The following XYLB variants were observed in gnomAD, a reference collection of about 807,000 sequenced individuals.
The protein encoded by XYLB is xylulokinase, also known as xylulose kinase.
A neutral mutation model predicts 78.7 loss-of-function variants in XYLB; 62 were observed. The observed-to-expected ratio is 0.79, with a 90% CI of 0.64 to 0.97. XYLB has a LOEUF of 0.97. XYLB is among the 50% of genes least tolerant of loss of function. XYLB has a pLI of 0.00. For missense variants in XYLB, 687 were observed against 676.8 expected (o/e 1.02, Z -0.17); for synonymous variants, 245 against 247.4 (o/e 0.99, Z 0.09).
At chr3:38,358,833 A>T (rs887963444) in intron 2 of XYLB, among the ~76,000 whole-genome samples, 1 of 152,234 alleles carries the variant, frequency 6.6e-6, no homozygotes, top group Non-Finnish European at 1.5e-5. Flanking sequence ...ATGTACAAAA[A>T]ATGCCATCCA....
intron 8 of XYLB, 41 bp from the exon 9 acceptor site, chr3:38,370,015 A>C: frequency 3.8e-6 from 6 of 1,566,598 alleles, no homozygotes; most frequent in Non-Finnish European, 5.3e-6. Flanking sequence ...CAAAAGGTCC[A>C]TTTTCAAGAT....
chr3:38,365,082 G>T, intron 4 of XYLB, 117 bp from the exon 5 acceptor site: 1 of 822,598 alleles, frequency 1.2e-6, no homozygotes, highest in South Asian at 1.6e-5. Context: ...CTAAGAAGTG[G>T]CAGGGGCAGG....
At chr3:38,392,807 A>T (rs1025708140) in intron 15 of XYLB, among the ~76,000 whole-genome samples, 2 of 152,176 alleles carry the variant, frequency 1.3e-5, no homozygotes, top group Admixed American at 6.5e-5. Flanking sequence ...AGTGTCAGCA[A>T]TTTAACAGAA....
intron 1 of XYLB, 23 bp downstream of exon 1, chr3:38,346,948 C>A: frequency 1.4e-6 from 2 of 1,448,472 alleles, no homozygotes; most frequent in Admixed American, 2.5e-5. Context: ...GGCCGCAGGG[C>A]CACGGGGCCG....
At chr3:38,450,110 C>T in the XYLB span, among the ~76,000 whole-genome samples, 2 of 152,164 alleles carry the variant, frequency 1.3e-5, no homozygotes, top group South Asian at 4.1e-4. Context: ...AACAATTATA[C>T]ACTGTGAATG....
the XYLB span, among the ~76,000 whole-genome samples, chr3:38,437,477 T>G: frequency 6.6e-6 from 1 of 152,206 alleles, no homozygotes; most frequent in Admixed American, 6.5e-5. Flanking sequence ...ATTTTGCTGT[T>G]TGTTGATGAT....
chr3:38,399,066 A>G (rs1383837736), intron 17 of XYLB, among the ~76,000 whole-genome samples: 1 of 151,868 alleles, frequency 6.6e-6, no homozygotes, highest in African/African-American at 2.4e-5. Context: ...AAAAAAAAAC[A>G]AACTTCTTCT....
At chr3:38,375,352 C>T in intron 12 of XYLB, 93 bp downstream of exon 12, 10 of 1,082,742 alleles carry the variant, frequency 9.2e-6, no homozygotes, top group East Asian at 7.7e-5. Context: ...TTCCACTAAG[C>T]TCTGGAATGA....
At chr3:38,365,852 C>G in intron 6 of XYLB, 116 bp downstream of exon 6, 1 of 1,412,664 alleles carries the variant, frequency 7.1e-7, no homozygotes, top group South Asian at 1.5e-5. Context: ...GTGGAGCCAG[C>G]AACAGGCACT....
chr3:38,386,274 A>G (rs554563777), intron 15 of XYLB, among the ~76,000 whole-genome samples: 1 of 152,128 alleles, frequency 6.6e-6, no homozygotes, highest in Non-Finnish European at 1.5e-5. Context: ...CACTCTGGTT[A>G]TGTACTTACA....
At chr3:38,417,262 C>T (rs1035778249), downstream of XYLB, among the ~76,000 whole-genome samples, 1 of 152,006 alleles carries the variant, frequency 6.6e-6, no homozygotes, top group African/African-American at 2.4e-5. Flanking sequence ...ATGGTGAAAC[C>T]CCATCTCTAC....
intron 2 of XYLB, chr3:38,356,074 A>AC (rs1705633728): frequency 3.7e-6 from 1 of 270,574 alleles, no homozygotes; most frequent in South Asian, 8.8e-5. Context: ...ATGCAGTGAA[A>AC]CCCCGTCTCT....
At chr3:38,376,865 G>C (rs914715494) in intron 13 of XYLB, 53 bp from the exon 14 acceptor site, 17 of 1,521,260 alleles carry the variant, frequency 1.1e-5, no homozygotes, top group Non-Finnish European at 1.5e-5. Context: ...TTAAGAAGCT[G>C]ATCTTTTGTT....
intron 17 of XYLB, among the ~76,000 whole-genome samples, chr3:38,399,948 C>T (rs35553573): frequency 0.42 from 64,059 of 151,998 alleles, 15,737 homozygotes; most frequent in Non-Finnish European, 0.56. Context: ...ATTAGTTTCT[C>T]TGCTGTCCAC....
chr3:38,365,783 T>C (rs773036331), intron 6 of XYLB, 47 bp downstream of exon 6: 7 of 1,562,314 alleles, frequency 4.5e-6, no homozygotes, highest in Non-Finnish European at 6.1e-6. Context: ...GGTTGCAAGC[T>C]CCGGAGGCAT....
Position 38,366,884 on chromosome 3 carries a change from T to C in XYLB, c.573+11T>C, listed in dbSNP as rs1190179275. On this transcript the variant is annotated intron_variant, in intron 7 of 18. Transcript: ENST00000207870. The stretch of plus-strand genomic sequence containing the variant: ...TACTCACATACGGAGGTTGGTTAAA[T>C]GTTCCTGTTTGATTGAAAGTCACAG... 6.3e-7 allele frequency: 1 copy of C among 1,582,902 alleles called. No individual in the cohort carries two copies. The highest frequency in any genetic ancestry group is 1.7e-5 in the Admixed American group (1 of 59,238).
chr3:38,442,470 T>C, the XYLB span, among the ~76,000 whole-genome samples: 1 of 152,070 alleles, frequency 6.6e-6, no homozygotes, highest in East Asian at 1.9e-4. Flanking sequence ...GGATGTGTGG[T>C]CTGTGGGATC....
chr3:38,366,136 AT>A (rs1290572146), intron 6 of XYLB, among the ~76,000 whole-genome samples: 2 of 152,006 alleles, frequency 1.3e-5, no homozygotes, highest in South Asian at 4.1e-4. Flanking sequence ...AGGAAAAAAA[AT>A]AATAGTGTCT....
chr3:38,450,746 T>A, the XYLB span, among the ~76,000 whole-genome samples: 38 of 152,326 alleles, frequency 2.5e-4, no homozygotes, highest in East Asian at 5.6e-3. Context: ...TGGCAGGGAA[T>A]CACTTTGGTT....
Sources: allele counts gnomAD v4.1 joint callset (sites outside exome capture counted in the v4.1 genomes callset), GRCh38; gene constraint gnomAD v4.1.1; transcripts MANE v1.5; gene names NCBI Gene and HGNC (gene_info 2026-07-23, HGNC 2026-07-21).